PCDH15: variants seen among roughly 807,000 people sequenced by gnomAD.
The protein encoded by PCDH15 is protocadherin related 15.
A neutral mutation model predicts 178.5 loss-of-function variants in PCDH15; 129 were observed. That is an observed-to-expected ratio of 0.72 (90% CI 0.63 to 0.84). The LOEUF (loss-of-function observed/expected upper bound fraction) is 0.84, where lower values mean the gene tolerates loss of function less well. Among genes scored for constraint, PCDH15 ranks in the 40% least tolerant of loss-of-function variants. PCDH15 has a pLI of 0.00. For missense variants in PCDH15, 2,230 were observed against 2,099.9 expected (o/e 1.06, Z -1.21); for synonymous variants, 800 against 732.0 (o/e 1.09, Z -1.50).
intron 29 of PCDH15, among the ~76,000 whole-genome samples, chr10:53,840,041 G>A (rs1299530890): frequency 6.6e-6 from 1 of 152,118 alleles, no homozygotes; most frequent in Non-Finnish European, 1.5e-5. Flanking sequence ...TGAGGAGCTG[G>A]CAGCAGGTGA....
Position 53,940,912 on chromosome 10 carries a change from G to A in PCDH15, c.3186C>T (p.Ala1062=), listed in dbSNP as rs2134073455. 1 of 1,613,678 alleles carries A rather than the reference G, an allele frequency of 6.2e-7. No homozygotes were observed. The highest frequency in any genetic ancestry group is 8.5e-7 in the Non-Finnish European group (1 of 1,179,682). The stretch of plus-strand genomic sequence containing the variant: ...TGGAGTACACAATACTTTGATTAAT[G>A]GCAGCAGCAGAAATTACACCAACCA... ...GTMVGVISAA[A]INQSIVYSIV... is the part of the protein sequence containing the mutation. The change falls in exon 24 of 38, where the codon GCC becomes GCT. Residue 1062 remains alanine (A), a synonymous_variant. Transcript: ENST00000644397.
At chr10:55,613,358 T>G (rs947231478) in intron 2 of PCDH15, among the ~76,000 whole-genome samples, 3 of 152,152 alleles carry the variant, frequency 2.0e-5, no homozygotes, top group Admixed American at 6.5e-5. Flanking sequence ...TTACCTGGAC[T>G]CCATAGAGGC....
At chr10:55,002,490 C>T (rs1387640140) in intron 2 of PCDH15, among the ~76,000 whole-genome samples, 1 of 113,724 alleles carries the variant, frequency 8.8e-6, no homozygotes, top group Non-Finnish European at 1.9e-5. Flanking sequence ...CAAGGAGTAA[C>T]CTTACCACAT....
At chr10:54,764,730 T>G (rs574989469) in intron 1 of PCDH15, among the ~76,000 whole-genome samples, 8 of 152,196 alleles carry the variant, frequency 5.3e-5, no homozygotes, top group African/African-American at 1.7e-4. Flanking sequence ...TGGTCCCAGA[T>G]GAAGATGCCT....
chr10:53,889,471 C>G (rs2081406164), intron 26 of PCDH15, among the ~76,000 whole-genome samples: 1 of 151,974 alleles, frequency 6.6e-6, no homozygotes, highest in Admixed American at 6.6e-5. Context: ...AGACATTTGA[C>G]TATCTTAACT....
intron 3 of PCDH15, among the ~76,000 whole-genome samples, chr10:54,809,211 C>G (rs1952825281): frequency 6.6e-6 from 1 of 152,052 alleles, no homozygotes; most frequent in Non-Finnish European, 1.5e-5. Context: ...CAATCTTAAT[C>G]CAGCCCTTAG....
intron 2 of PCDH15, among the ~76,000 whole-genome samples, chr10:55,471,680 GA>G (rs1272795851): frequency 6.6e-6 from 1 of 152,132 alleles, no homozygotes; most frequent in African/African-American, 2.4e-5. Context: ...GTGAACACAG[GA>G]AAACAGATTA....
chr10:54,045,659 A>G (rs578006836), intron 18 of PCDH15, among the ~76,000 whole-genome samples: 1 of 146,970 alleles, frequency 6.8e-6, no homozygotes, highest in East Asian at 2.1e-4. Context: ...ATTTATATAG[A>G]AGAAAACAAA....
intron 2 of PCDH15, among the ~76,000 whole-genome samples, chr10:55,448,971 A>ACAAT (rs1197750599): frequency 6.6e-6 from 1 of 152,076 alleles, no homozygotes; most frequent in Admixed American, 6.6e-5. Flanking sequence ...TCTTAAGTAG[A>ACAAT]CAATCATAAG....
At chr10:54,079,205 C>T (rs1173171268) in intron 17 of PCDH15, 126 bp downstream of exon 17, 2 of 960,118 alleles carry the variant, frequency 2.1e-6, no homozygotes, top group South Asian at 1.3e-5. Context: ...AAGAGCAACA[C>T]TTCTAGTAAT....
chr10:55,082,746 T>G (rs186142374), intron 2 of PCDH15, among the ~76,000 whole-genome samples: 52 of 151,896 alleles, frequency 3.4e-4, no homozygotes, highest in Admixed American at 1.4e-3. Flanking sequence ...TGGCAGAAAT[T>G]CAAAAGATAA....
chr10:54,253,268 G>A (rs758941652), intron 8 of PCDH15, among the ~76,000 whole-genome samples: 77 of 151,928 alleles, frequency 5.1e-4, no homozygotes, highest in Non-Finnish European at 2.7e-4. Context: ...CAATATAGGC[G>A]AGAATATTAA....
chr10:53,956,586 C>G, intron 23 of PCDH15, among the ~76,000 whole-genome samples: 1 of 152,230 alleles, frequency 6.6e-6, no homozygotes, highest in Non-Finnish European at 1.5e-5. Flanking sequence ...TCAAGTACTA[C>G]TAAATGCATT....
chr10:54,678,135 C>A (rs2094826128), intron 1 of PCDH15, among the ~76,000 whole-genome samples: 3 of 152,102 alleles, frequency 2.0e-5, no homozygotes, highest in Admixed American at 2.0e-4. Flanking sequence ...AGTTACTTTA[C>A]AAAGTAACAT....
intron 2 of PCDH15, among the ~76,000 whole-genome samples, chr10:55,405,641 T>C (rs1238092111): frequency 6.6e-6 from 1 of 151,804 alleles, no homozygotes; most frequent in Non-Finnish European, 1.5e-5. Context: ...AAAGAAAAGA[T>C]GTAACTTCAG....
chr10:53,871,515 G>A (rs2079854050), intron 26 of PCDH15, among the ~76,000 whole-genome samples: 2 of 150,942 alleles, frequency 1.3e-5, no homozygotes, highest in African/African-American at 2.4e-5. Context: ...ACCAAGTCCA[G>A]TGTAACTATT....
Position 54,815,685 on chromosome 10 carries a change from A to C in PCDH15, c.-29+81765T>G, listed in dbSNP as rs117059197. On this transcript the variant is annotated intron_variant, in intron 3 of 5. Transcript: ENST00000458638. ...ACAAAGTGGCACTAGTGATGCCGAC[A>C]GTACTCCCAGGCAACAAAGTCATGC... Among the ~76,000 whole-genome samples, 1,085 of 152,216 alleles carry C rather than the reference A, an allele frequency of 7.1e-3. 6 individuals are homozygous for C. The highest frequency in any genetic ancestry group is 0.02 in the Middle Eastern group (6 of 294).
chr10:55,097,759 A>G (rs1200862466), intron 2 of PCDH15, among the ~76,000 whole-genome samples: 1 of 152,132 alleles, frequency 6.6e-6, no homozygotes, highest in African/African-American at 2.4e-5. Flanking sequence ...CTGAAGAGTC[A>G]CACCTGTAAT....
At chr10:54,544,142 ATTTCT>A (rs1184692132) in intron 2 of PCDH15, among the ~76,000 whole-genome samples, 2 of 152,182 alleles carry the variant, frequency 1.3e-5, no homozygotes, top group African/African-American at 4.8e-5. Context: ...TTGATCTGAC[ATTTCT>A]TGGGGTGAAA....
Sources: gnomAD v4.1 joint callset for allele counts (sites outside exome capture counted in the v4.1 genomes callset) on GRCh38, gnomAD v4.1.1 for gene constraint, MANE v1.5 for transcripts, NCBI Gene and HGNC (gene_info 2026-07-23, HGNC 2026-07-21) for gene names.